Variants in IGLL5 observed in about 807,000 individuals in gnomAD.
IGLL5 encodes the protein immunoglobulin lambda like polypeptide 5, also known as immunoglobulin lambda-like polypeptide 5.
Under a neutral mutation model 20.9 loss-of-function variants are expected in IGLL5, and 30 were observed. The observed-to-expected ratio is 1.44, with a 90% confidence interval of 1.07 to 1.95. IGLL5 has a LOEUF of 1.95. Ranked by LOEUF, IGLL5 falls within the 30% of genes most tolerant of loss-of-function variation. IGLL5 has a pLI of 0.00. For missense variants in IGLL5, 475 were observed against 270.7 expected (o/e 1.75, Z -5.30); for synonymous variants, 203 against 117.3 (o/e 1.73, Z -4.72).
rs752092449 is a variant in IGLL5, at chr22:22,888,275, T to C, written c.206+16T>C. 5 of 1,545,562 alleles carry C rather than the reference T, an allele frequency of 3.2e-6. No individual in the cohort carries two copies. The highest frequency in any genetic ancestry group is 2.5e-5 in the East Asian group (1 of 40,616). The stretch of plus-strand genomic sequence containing the variant: ...TGTGGGGCAGGTAAGGGGCAAGAGA[T>C]TCCAGGGGATGTGGGGGTCCTGCAG... On this transcript the variant is annotated intron_variant, in intron 1 of 2. Transcript: ENST00000526893.
chr22:22,891,789 A>G (rs1359199545), intron 1 of IGLL5, among the ~76,000 whole-genome samples: 1 of 151,270 alleles, frequency 6.6e-6, no homozygotes, highest in Admixed American at 6.6e-5. Flanking sequence ...ACAATTTTAT[A>G]TCGTAAATGA....
At position 22,893,981 on chromosome 22, in the gene IGLL5, C is replaced by T. The variant is rs964463714; in HGVS notation, c.325+163C>T. Among the ~76,000 whole-genome samples the T allele has an allele frequency of 2.0e-4, 30 of 151,076 alleles. No individual in the cohort carries two copies. The Middle Eastern group carries it at 0.012, about 59-fold the overall frequency. ...AGGAGGTGCATTAGTCTCCGGGTAA[C>T]CGGCAGGAAGGGCCTCCACAGTGGG... On this transcript the variant is annotated intron_variant, in intron 2 of 2. Coordinates refer to ENST00000526893, the MANE Select transcript of IGLL5 (RefSeq NM_001178126.2).
rs909749775 is a variant in IGLL5, at chr22:22,888,232, G to A, written c.179G>A (p.Arg60Gln). The change falls in exon 1 of 3, where the codon CGA (arginine) becomes CAA (glutamine). Residue 60 changes from arginine (R) to glutamine (Q), a missense_variant. Transcript: ENST00000526893. ...PDPGASVGSS[R>Q]SSLRSLWGRL... ...CCTGGAGCCTCAGTTGGAAGCAGCCGATCCAGCCTGCGGAGCCTGTGGGGC... is the reference window on the plus strand; with the variant it reads ...CCTGGAGCCTCAGTTGGAAGCAGCCAATCCAGCCTGCGGAGCCTGTGGGGC... 3.9e-5 allele frequency: 61 copies of A among 1,547,976 alleles called. No individual in the cohort carries two copies. The highest frequency in any genetic ancestry group is 1.6e-4 in the Admixed American group (8 of 50,772).
Position 22,895,592 on chromosome 22 carries a change from C to T in IGLL5, c.543C>T (p.Ser181=). 5 of 1,613,334 alleles carry T rather than the reference C, an allele frequency of 3.1e-6. No individual in the cohort carries two copies. The highest frequency in any genetic ancestry group is 4.2e-6 in the Non-Finnish European group (5 of 1,179,788). ...AGTACGCGGCCAGCAGCTACCTGAG[C>T]CTGACGCCCGAGCAGTGGAAGTCCC... ...NNKYAASSYL[S]LTPEQWKSHR... is the part of the protein sequence containing the mutation. Residue 181 remains serine (S), a synonymous_variant, in exon 3 of 3, where the codon AGC becomes AGT. Coordinates refer to ENST00000526893, the MANE Select transcript of IGLL5 (RefSeq NM_001178126.2).
rs2145989026 is a variant in IGLL5 at position 22,888,954 on chromosome 22, C to T, written c.206+695C>T. ...GTGCCCCCAAAAGACAGAGCAGCGT[C>T]AGAGGAGAGGAGAGCACAGGATGAG... On this transcript the variant is annotated intron_variant, in intron 1 of 2. Transcript: ENST00000526893. 1.3e-5 allele frequency among the ~76,000 whole-genome samples: 2 copies of T among 151,352 alleles called. 1 individual carries two copies. The highest frequency in any genetic ancestry group is 2.9e-5 in the Non-Finnish European group (2 of 67,884).
rs543147197 is a variant in IGLL5, at chr22:22,888,039, T to C, written c.-15T>C. ...CTGCAAGTCGGGCCAGAGGTGCCCCTGAACCTGAAGGCCAATGAGACCCAA... is the reference window on the plus strand; with the variant it reads ...CTGCAAGTCGGGCCAGAGGTGCCCCCGAACCTGAAGGCCAATGAGACCCAA... On this transcript the variant is annotated 5_prime_UTR_variant, in exon 1 of 3. Transcript: ENST00000526893. The C allele has an allele frequency of 1.3e-6, 2 of 1,547,844 alleles. No individual in the cohort carries two copies. Among genetic ancestry groups the C allele is most frequent in the African/African-American group, 1.4e-5 (1 of 72,780 alleles).
intron 1 of IGLL5, among the ~76,000 whole-genome samples, chr22:22,889,301 G>C (rs542603914): frequency 1.3e-5 from 2 of 150,988 alleles, no homozygotes; most frequent in African/African-American, 4.9e-5. Context: ...TGAAGTGAGG[G>C]CTGAGCAGAG....
chr22:22,894,246 G>T (rs553593077), intron 2 of IGLL5, among the ~76,000 whole-genome samples: 5 of 151,186 alleles, frequency 3.3e-5, no homozygotes, highest in African/African-American at 7.3e-5. Flanking sequence ...AACAGCTGAG[G>T]GTCTAGGCTG....
intron 1 of IGLL5, among the ~76,000 whole-genome samples, chr22:22,892,760 T>G (rs923259842): frequency 6.6e-6 from 1 of 150,516 alleles, no homozygotes; most frequent in Non-Finnish European, 1.5e-5. Flanking sequence ...CAGTTGTGAG[T>G]GTGCACAATG....
chr22:22,893,887 T>G (rs2067941743), intron 2 of IGLL5, 69 bp downstream of exon 2: 1 of 1,077,328 alleles, frequency 9.3e-7, no homozygotes, highest in Non-Finnish European at 1.4e-6. Context: ...GTTTTCTCTC[T>G]CTGGGGCTTC....
rs538001103 is a variant in IGLL5 at position 22,888,190 on chromosome 22, A to G, written c.137A>G (p.Gln46Arg). The G allele has an allele frequency of 3.9e-6, 6 of 1,548,820 alleles. No individual in the cohort carries two copies. The highest frequency in any genetic ancestry group is 2.0e-5 in the Admixed American group (1 of 50,802). ...HGLLRPMVAP[Q>R]SGDPDPGASV... Reference sequence around the variant, plus strand: ...CTGCTGCGCCCAATGGTTGCACCGCAAAGCGGGGACCCAGACCCTGGAGCC... The same window carrying G: ...CTGCTGCGCCCAATGGTTGCACCGCGAAGCGGGGACCCAGACCCTGGAGCC... The change falls in exon 1 of 3, where the codon CAA (glutamine) becomes CGA (arginine). Residue 46 changes from glutamine (Q) to arginine (R), a missense_variant. Gln to Arg is a conservative substitution (Grantham distance 43). Coordinates refer to ENST00000526893, the MANE Select transcript of IGLL5 (RefSeq NM_001178126.2).
Position 22,888,533 on chromosome 22 carries a change from G to A in IGLL5, c.206+274G>A, listed in dbSNP as rs1319258446. On this transcript the variant is annotated intron_variant, in intron 1 of 2. Coordinates refer to ENST00000526893, the MANE Select transcript of IGLL5 (RefSeq NM_001178126.2). Reference sequence around the variant, plus strand: ...CCAGGGTCAGTGCCTCAATCACCTAGTCCTAGTCCTCTGGGTAGGGAAGGA... The same window carrying A: ...CCAGGGTCAGTGCCTCAATCACCTAATCCTAGTCCTCTGGGTAGGGAAGGA... 2.0e-5 allele frequency among the ~76,000 whole-genome samples: 3 copies of A among 151,410 alleles called. 1 individual carries two copies. The highest frequency in any genetic ancestry group is 6.6e-5 in the Admixed American group (1 of 15,146).
At chr22:22,894,564 T>C (rs760342719) in intron 2 of IGLL5, among the ~76,000 whole-genome samples, 6 of 151,444 alleles carry the variant, frequency 4.0e-5, no homozygotes, top group Admixed American at 1.3e-4. Context: ...GCCTCCTGCC[T>C]TCCTCAAAGG....
Position 22,888,050 on chromosome 22 carries a change from G to T in IGLL5, c.-4G>T. On this transcript the variant is annotated 5_prime_UTR_variant, in exon 1 of 3. Transcript: ENST00000526893. ...GCCAGAGGTGCCCCTGAACCTGAAG[G>T]CCAATGAGACCCAAGACAGGCCAAG... The T allele has an allele frequency of 6.5e-7, 1 of 1,549,072 alleles. No individual in the cohort carries two copies. Among genetic ancestry groups the T allele is most frequent in the Non-Finnish European group, 8.7e-7 (1 of 1,146,392 alleles).
Position 22,893,771 on chromosome 22 carries a change from A to G in IGLL5, c.278A>G (p.Gln93Arg). 2 of 1,605,512 alleles carry G rather than the reference A, an allele frequency of 1.2e-6. No homozygotes were observed. The highest frequency in any genetic ancestry group is 1.7e-6 in the Non-Finnish European group (2 of 1,176,154). ...CCCCGGGGGTTTTGGTCTGAGCCTC[A>G]GTCACTGTGTTATGTCTTCGGAACT... ...CWPRGFWSEP[Q>R]SLCYVFGTGT... Residue 93 changes from glutamine (Q) to arginine (R), a missense_variant, in exon 2 of 3, where the codon CAG becomes CGG. Coordinates refer to ENST00000526893, the MANE Select transcript of IGLL5 (RefSeq NM_001178126.2).
At chr22:22,888,472 T>A (rs549586415) in intron 1 of IGLL5, among the ~76,000 whole-genome samples, 2 of 151,456 alleles carry the variant, frequency 1.3e-5, no homozygotes, top group East Asian at 2.0e-4. Flanking sequence ...TTATTTTTCT[T>A]GATTTCTGAG....
In IGLL5 at chr22:22,888,235, C is replaced by G. The variant is rs180844836; in HGVS notation, c.182C>G (p.Ser61Cys). Residue 61 changes from serine (S) to cysteine (C), a missense_variant, in exon 1 of 3, where the codon TCC becomes TGC. Transcript: ENST00000526893. The stretch of plus-strand genomic sequence containing the variant: ...GGAGCCTCAGTTGGAAGCAGCCGAT[C>G]CAGCCTGCGGAGCCTGTGGGGCAGG... ...DPGASVGSSR[S>C]SLRSLWGRLL... 7.1e-6 allele frequency: 11 copies of G among 1,547,940 alleles called. No homozygotes were observed. The highest frequency in any genetic ancestry group is 5.9e-5 in the Admixed American group (3 of 50,774).
chr22:22,889,574 A>T (rs568090385), intron 1 of IGLL5, among the ~76,000 whole-genome samples: 5 of 151,210 alleles, frequency 3.3e-5, no homozygotes, highest in South Asian at 2.1e-4. Context: ...AAAAAACACA[A>T]TTGTATTTGG....
In IGLL5 at chr22:22,895,733, G is replaced by C. The variant is rs748762893; in HGVS notation, c.*39G>C. The C allele has an allele frequency of 1.3e-6, 2 of 1,595,500 alleles. No homozygotes were observed. The highest frequency in any genetic ancestry group is 1.1e-5 in the South Asian group (1 of 90,658). On this transcript the variant is annotated 3_prime_UTR_variant, in exon 3 of 3. Transcript: ENST00000526893. Reference sequence around the variant, plus strand: ...ACCCCACCCACGGGAGCCTGGAGCTGCAGGATCCCAGGGGAGGGGTCTCTC... The same window carrying C: ...ACCCCACCCACGGGAGCCTGGAGCTCCAGGATCCCAGGGGAGGGGTCTCTC...
Sources: allele counts gnomAD v4.1 joint callset (sites outside exome capture counted in the v4.1 genomes callset), GRCh38; gene constraint gnomAD v4.1.1; transcripts MANE v1.5; gene names NCBI Gene and HGNC (gene_info 2026-07-23, HGNC 2026-07-21).